The following TMEM98 variants were observed in gnomAD, a reference collection of about 807,000 sequenced individuals.
TMEM98 encodes transmembrane protein 98.
Under a neutral mutation model 25.0 loss-of-function variants are expected in TMEM98, and 18 were observed. The observed-to-expected ratio is 0.72, with a 90% CI of 0.50 to 1.07. TMEM98 has a LOEUF of 1.07. TMEM98 is among the 50% of genes least tolerant of loss of function. TMEM98 has a pLI of 0.00. For missense variants in TMEM98, 241 were observed against 289.0 expected (o/e 0.83, Z 1.20); for synonymous variants, 103 against 112.4 (o/e 0.92, Z 0.53).
At chr17:32,928,946 ACATT>A (rs2091449315) in intron 1 of TMEM98, among the ~76,000 whole-genome samples, 1 of 132,534 alleles carries the variant, frequency 7.5e-6, no homozygotes, top group Non-Finnish European at 1.7e-5. Flanking sequence ...GCACACTCAA[ACATT>A]CAGTTCACAC....
At position 32,931,582 on chromosome 17, in the gene TMEM98, T is replaced by A; in HGVS notation, c.54T>A (p.Ala18=). The part of the protein sequence containing the change: ...AIGVLATIFL[A]SFAALVLVCR... ...GTGTGCTGGCCACCATCTTTCTGGC[T>A]TCGTTTGCAGCCTTGGTGCTGGTTT... Residue 18 remains alanine, a synonymous_variant, in exon 3 of 8, where the codon GCT becomes GCA. Coordinates refer to ENST00000579849, the MANE Select transcript of TMEM98 (RefSeq NM_015544.3). 2 of 1,604,742 alleles carry A rather than the reference T, an allele frequency of 1.2e-6. No homozygotes were observed. Among genetic ancestry groups the A allele is most frequent in the Non-Finnish European group, 1.7e-6 (2 of 1,175,908 alleles).
intron 1 of TMEM98, among the ~76,000 whole-genome samples, chr17:32,930,055 C>T (rs898271222): frequency 2.6e-5 from 4 of 151,926 alleles, no homozygotes; most frequent in Non-Finnish European, 5.9e-5. Flanking sequence ...TTGGACCCTC[C>T]GAGACATGGA....
At chr17:32,939,960 C>T (rs1340405128) in intron 7 of TMEM98, among the ~76,000 whole-genome samples, 2 of 152,216 alleles carry the variant, frequency 1.3e-5, no homozygotes, top group Non-Finnish European at 2.9e-5. Context: ...CAGCTGTGCT[C>T]ACCTGCCACC....
At chr17:32,938,391 G>T (rs749206154) in intron 6 of TMEM98, among the ~76,000 whole-genome samples, 3 of 152,176 alleles carry the variant, frequency 2.0e-5, no homozygotes, top group African/African-American at 7.2e-5. Flanking sequence ...TGTCCTCACC[G>T]GCTCCACAGC....
chr17:32,936,458 G>T lies in TMEM98; in HGVS notation c.413+11G>T, dbSNP rs777337238. ...GCGGATCAGCCCCAGGTGAGCAATT[G>T]GCGGCTTCGAGGTCCCCACACTCCC... On this transcript the variant is annotated intron_variant, in intron 6 of 7. Coordinates refer to ENST00000579849, the MANE Select transcript of TMEM98 (RefSeq NM_015544.3). 22 of 1,612,754 alleles carry T rather than the reference G, an allele frequency of 1.4e-5. No individual in the cohort carries two copies. Among genetic ancestry groups the T allele is most frequent in the Non-Finnish European group, 1.9e-5 (22 of 1,178,916 alleles).
At chr17:32,933,143 G>C in intron 3 of TMEM98, 31 bp from the exon 4 acceptor site, 1 of 1,613,058 alleles carries the variant, frequency 6.2e-7, no homozygotes, top group Middle Eastern at 1.7e-4. Context: ...CACCCACCAT[G>C]AAACCATTTA....
chr17:32,939,526 C>T lies in TMEM98; in HGVS notation c.463C>T (p.Leu155=). 1 of 1,614,140 alleles carries T rather than the reference C, an allele frequency of 6.2e-7. No homozygotes were observed. Among genetic ancestry groups the T allele is most frequent in the South Asian group, 1.1e-5 (1 of 91,076 alleles). ...SMYPPLDPKL[L]DARTTALLLS... is the part of the protein sequence containing the mutation. ...GTACCCTCCGTTGGACCCCAAACTCCTGGACGCACGGTGAGACCAGGGGTG... is the reference window on the plus strand; with the variant it reads ...GTACCCTCCGTTGGACCCCAAACTCTTGGACGCACGGTGAGACCAGGGGTG... The change falls in exon 7 of 8, where the codon CTG becomes TTG. Residue 155 remains leucine, a synonymous_variant. Coordinates refer to ENST00000579849, the MANE Select transcript of TMEM98 (RefSeq NM_015544.3).
At chr17:32,933,432 C>A in intron 4 of TMEM98, 127 bp downstream of exon 4, 1 of 1,321,856 alleles carries the variant, frequency 7.6e-7, no homozygotes, top group African/African-American at 1.5e-5. Context: ...CTTTCCTGTG[C>A]CTTTAGTGTG....
Position 32,937,886 on chromosome 17 carries a change from C to T in TMEM98, c.413+1439C>T, listed in dbSNP as rs115965171. ...GATTATAGGTGTGAGCCACCACACC[C>T]GGCCTCCTTCCCCATTAGTTTTAAA... On this transcript the variant is annotated intron_variant, in intron 6 of 7. Coordinates refer to ENST00000579849, the MANE Select transcript of TMEM98 (RefSeq NM_015544.3). Among the ~76,000 whole-genome samples the T allele has an allele frequency of 8.1e-3, 1,238 of 152,272 alleles. 19 individuals carry two copies. The highest frequency in any genetic ancestry group is 0.028 in the African/African-American group (1,171 of 41,554).
chr17:32,930,212 A>G (rs940952906), intron 1 of TMEM98, among the ~76,000 whole-genome samples: 2 of 152,172 alleles, frequency 1.3e-5, no homozygotes, highest in Non-Finnish European at 2.9e-5. Context: ...GAGGCCTACA[A>G]TGAAATAACA....
In TMEM98 at chr17:32,931,340, T is replaced by A; in HGVS notation, c.-117T>A. 2 of 651,894 alleles carry A rather than the reference T, an allele frequency of 3.1e-6. No individual in the cohort carries two copies. The highest frequency in any genetic ancestry group is 2.3e-5 in the South Asian group (1 of 44,084). 40.4% of individuals were successfully genotyped at this position (651,894 alleles called of 1,614,324 possible). A position where few individuals can be genotyped will look rare whatever the true frequency, so the allele number is the denominator to read the frequency against. ...GGTTCTCTTCAGGCCCTCAGGTCTC[T>A]GCAGGTGTCGTGGAGGAACCTAGCA... On this transcript the variant is annotated 5_prime_UTR_variant, in exon 2 of 8. Transcript: ENST00000579849.
chr17:32,929,182 CT>C (rs1209040267), intron 1 of TMEM98, among the ~76,000 whole-genome samples: 1 of 144,834 alleles, frequency 6.9e-6, no homozygotes, highest in Non-Finnish European at 1.5e-5. Flanking sequence ...CAGAAACACA[CT>C]CTGAGAAACA....
intron 1 of TMEM98, among the ~76,000 whole-genome samples, chr17:32,930,253 T>G (rs1430741449): frequency 6.6e-6 from 1 of 152,138 alleles, no homozygotes; most frequent in Non-Finnish European, 1.5e-5. Flanking sequence ...GATGCCCTTG[T>G]TCTTCTGGCT....
rs1048614380 is a variant in TMEM98 at position 32,943,337 on chromosome 17, G to A, written c.*2344G>A. 3.3e-5 allele frequency: 5 copies of A among 152,176 alleles called. No homozygotes were observed. Among genetic ancestry groups the A allele is most frequent in the African/African-American group, 9.7e-5 (4 of 41,440 alleles). The allele number at this position is 152,176 out of a possible 1,614,324, so 9.4% of individuals were successfully genotyped here. A position where few individuals can be genotyped will look rare whatever the true frequency, so the allele number is the denominator to read the frequency against. On this transcript the variant is annotated 3_prime_UTR_variant, in exon 8 of 8. Transcript: ENST00000579849. ...GCAATGCCACTCCTCTAGGCCCTTC[G>A]GGAGTTGGCTGAAGTTACTTCCTCC...
At chr17:32,938,068 C>T (rs917975414) in intron 6 of TMEM98, among the ~76,000 whole-genome samples, 3 of 152,268 alleles carry the variant, frequency 2.0e-5, no homozygotes, top group East Asian at 1.9e-4. Context: ...AGGATCAGCA[C>T]GGGTCCTAAG....
intron 5 of TMEM98, 107 bp downstream of exon 5, chr17:32,934,431 G>A: frequency 1.5e-6 from 2 of 1,290,902 alleles, no homozygotes; most frequent in South Asian, 1.3e-5. Context: ...TCTCGCAAGA[G>A]GCCTTTCCTT....
chr17:32,931,688 AG>A, intron 3 of TMEM98, 29 bp downstream of exon 3: 1 of 1,597,310 alleles, frequency 6.3e-7, no homozygotes, highest in African/African-American at 1.3e-5. Flanking sequence ...GGCAAGGAGG[AG>A]GGGTGGGCTC....
intron 6 of TMEM98, among the ~76,000 whole-genome samples, chr17:32,936,829 C>G (rs926927811): frequency 1.3e-5 from 2 of 152,234 alleles, no homozygotes; most frequent in Non-Finnish European, 2.9e-5. Flanking sequence ...ACACCCCTGT[C>G]TCTGCCTGAA....
At position 32,940,800 on chromosome 17, in the gene TMEM98, T is replaced by C. The variant is rs2091525627; in HGVS notation, c.488T>C (p.Leu163Pro). 1 of 1,614,046 alleles carries C rather than the reference T, an allele frequency of 6.2e-7. No individual in the cohort carries two copies. Among genetic ancestry groups the C allele is most frequent in the Non-Finnish European group, 8.5e-7 (1 of 1,179,940 alleles). ...TTTTTCCCTAGGACGACTGCCCTGCTCCTGTCTGTCAGTCACCTGGTGCTG... is the reference window on the plus strand; with the variant it reads ...TTTTTCCCTAGGACGACTGCCCTGCCCCTGTCTGTCAGTCACCTGGTGCTG... ...KLLDARTTAL[L>P]LSVSHLVLVT... Residue 163 changes from leucine to proline, a missense_variant, in exon 8 of 8, where the codon CTC becomes CCC. Physicochemically the swap from Leu to Pro is moderately conservative, Grantham distance 98. Coordinates refer to ENST00000579849, the MANE Select transcript of TMEM98 (RefSeq NM_015544.3).
Sources: allele counts gnomAD v4.1 joint callset (sites outside exome capture counted in the v4.1 genomes callset), GRCh38; gene constraint gnomAD v4.1.1; transcripts MANE v1.5; gene names NCBI Gene and HGNC (gene_info 2026-07-23, HGNC 2026-07-21).